DCC: variants seen among roughly 807,000 people sequenced by gnomAD.
DCC encodes DCC netrin 1 receptor.
Under a neutral mutation model 172.5 loss-of-function variants are expected in DCC, and 58 were observed. The ratio of observed to expected loss-of-function variants is 0.34; its 90% CI spans 0.27 to 0.42. DCC has a LOEUF of 0.42. Among genes scored for constraint, DCC ranks in the 10% least tolerant of loss-of-function variants. The probability of loss-of-function intolerance (pLI) is 1.00; values close to 1 mark genes in which losing one functional copy is unlikely to be tolerated. For missense variants in DCC, 1,740 were observed against 1,791.0 expected, an observed-to-expected ratio of 0.97 and a Z score of 0.51; for synonymous variants, 709 against 644.5, an observed-to-expected ratio of 1.10 and a Z score of -1.52.
intron 5 of DCC, among the ~76,000 whole-genome samples, chr18:52,979,413 G>T (rs2041171369): frequency 6.6e-6 from 1 of 152,098 alleles, no homozygotes; most frequent in Non-Finnish European, 1.5e-5. Flanking sequence ...AGTGGTGCAG[G>T]GCCTGCCCAG....
intron 27 of DCC, among the ~76,000 whole-genome samples, chr18:53,518,923 A>G (rs187776340): frequency 6.6e-6 from 1 of 152,156 alleles, no homozygotes; most frequent in Non-Finnish European, 1.5e-5. Context: ...TAAAACCTTA[A>G]TTGTTGGTAT....
chr18:53,467,059 A>G (rs1218085213), intron 24 of DCC, among the ~76,000 whole-genome samples: 2 of 152,190 alleles, frequency 1.3e-5, no homozygotes, highest in African/African-American at 2.4e-5. Flanking sequence ...AAATAGTAAA[A>G]CATATGTTTG....
chr18:53,257,423 A>G (rs1250498616), intron 12 of DCC, among the ~76,000 whole-genome samples: 1 of 152,032 alleles, frequency 6.6e-6, no homozygotes, highest in Non-Finnish European at 1.5e-5. Context: ...TTAGCATGAA[A>G]GTTGTTGAAT....
chr18:52,384,121 C>T (rs1048242680), intron 1 of DCC, among the ~76,000 whole-genome samples: 4 of 152,002 alleles, frequency 2.6e-5, no homozygotes. Context: ...TTTCTTATGA[C>T]TAGAAACTGT....
intron 27 of DCC, among the ~76,000 whole-genome samples, chr18:53,504,909 T>C (rs553108300): frequency 6.6e-6 from 1 of 152,062 alleles, no homozygotes; most frequent in African/African-American, 2.4e-5. Flanking sequence ...TTTGGAGAAA[T>C]GTTTTTTTGT....
At chr18:53,153,779 TTTGGGATC>T (rs1473371546) in intron 7 of DCC, among the ~76,000 whole-genome samples, 3 of 151,960 alleles carry the variant, frequency 2.0e-5, no homozygotes, top group Non-Finnish European at 4.4e-5. Context: ...CTTGTTAAGG[TTTGGGATC>T]TGCTTCTGTG....
chr18:52,680,564 A>T (rs1568038002), intron 1 of DCC, among the ~76,000 whole-genome samples: 1 of 152,120 alleles, frequency 6.6e-6, no homozygotes, highest in African/African-American at 2.4e-5. Flanking sequence ...AATTGAGATT[A>T]ATATCTTCTC....
intron 1 of DCC, among the ~76,000 whole-genome samples, chr18:52,342,193 A>G (rs1598847424): frequency 1.3e-5 from 2 of 152,312 alleles, no homozygotes; most frequent in African/African-American, 4.8e-5. Flanking sequence ...GCACGCGGGC[A>G]GGAATCTGCG....
intron 2 of DCC, among the ~76,000 whole-genome samples, chr18:52,755,876 C>T (rs951577815): frequency 2.0e-5 from 3 of 152,192 alleles, no homozygotes; most frequent in African/African-American, 4.8e-5. Flanking sequence ...ACATTTTACA[C>T]AATGATCTTG....
intron 4 of DCC, among the ~76,000 whole-genome samples, chr18:52,924,964 A>AT (rs1323748090): frequency 7.4e-6 from 1 of 135,008 alleles, no homozygotes; most frequent in Admixed American, 7.3e-5. Context: ...TTTGGACTAG[A>AT]TTATCTATCA....
In DCC at chr18:53,054,179, T is replaced by C. The variant is rs193168835; in HGVS notation, c.986-9126T>C. On this transcript the variant is annotated intron_variant, in intron 5 of 28. Transcript: ENST00000442544. ...GTGTAAATGCTGTGTAAATAGTTATTAAGCTGCATTTACATATTTTATTTT... is the reference window on the plus strand; with the variant it reads ...GTGTAAATGCTGTGTAAATAGTTATCAAGCTGCATTTACATATTTTATTTT... Among the ~76,000 whole-genome samples the C allele has an allele frequency of 5.5e-3, 837 of 152,278 alleles. 5 individuals are homozygous for C. The highest frequency in any genetic ancestry group is 9.0e-3 in the Non-Finnish European group (615 of 68,006).
intron 1 of DCC, among the ~76,000 whole-genome samples, chr18:52,472,250 C>G (rs1406260780): frequency 6.6e-6 from 1 of 152,140 alleles, no homozygotes; most frequent in Admixed American, 6.6e-5. Context: ...CTCCCCTTCC[C>G]CTTACGGTTC....
chr18:52,387,704 T>C (rs1444036949), intron 1 of DCC, among the ~76,000 whole-genome samples: 2 of 151,728 alleles, frequency 1.3e-5, no homozygotes, highest in Non-Finnish European at 2.9e-5. Flanking sequence ...AAGAATGTGA[T>C]ATTTCTATTT....
chr18:52,432,769 C>G (rs891552679), intron 1 of DCC, among the ~76,000 whole-genome samples: 6 of 152,114 alleles, frequency 3.9e-5, no homozygotes, highest in Non-Finnish European at 4.4e-5. Flanking sequence ...GCTACATAGC[C>G]TAAACTGAGT....
intron 5 of DCC, among the ~76,000 whole-genome samples, chr18:53,002,434 CT>C (rs2041580171): frequency 6.6e-6 from 1 of 152,134 alleles, no homozygotes; most frequent in Non-Finnish European, 1.5e-5. Context: ...CTTGCCGCCT[CT>C]TGTGGTTAAG....
chr18:53,401,738 G>T (rs1449777130), intron 18 of DCC, among the ~76,000 whole-genome samples: 2 of 152,144 alleles, frequency 1.3e-5, no homozygotes, highest in African/African-American at 2.4e-5. Context: ...GGGTAGCAAA[G>T]TTGCCGTGGA....
At chr18:53,328,195 G>T (rs1036309581) in intron 14 of DCC, among the ~76,000 whole-genome samples, 2 of 152,160 alleles carry the variant, frequency 1.3e-5, no homozygotes, top group Non-Finnish European at 2.9e-5. Flanking sequence ...ATTTTACTTG[G>T]TTATAACAAA....
chr18:52,924,493 G>C (rs748602817), intron 4 of DCC, among the ~76,000 whole-genome samples: 1 of 151,928 alleles, frequency 6.6e-6, no homozygotes, highest in Admixed American at 6.6e-5. Context: ...TAACTTGGCT[G>C]GCTTTGAATT....
intron 1 of DCC, among the ~76,000 whole-genome samples, chr18:52,349,327 G>A (rs1390794109): frequency 2.0e-5 from 3 of 152,192 alleles, no homozygotes; most frequent in Non-Finnish European, 2.9e-5. Context: ...CATTAGAGAT[G>A]TGAGCCAAGG....
Sources: allele counts gnomAD v4.1 joint callset (sites outside exome capture counted in the v4.1 genomes callset), GRCh38; gene constraint gnomAD v4.1.1; transcripts MANE v1.5; gene names NCBI Gene and HGNC (gene_info 2026-07-23, HGNC 2026-07-21).